The following CXCL13 variants were observed in gnomAD, a reference collection of about 807,000 sequenced individuals.
CXCL13 encodes the protein C-X-C motif chemokine ligand 13.
A neutral mutation model predicts 12.2 loss-of-function variants in CXCL13; 7 were observed. The observed-to-expected ratio is 0.57, with a 90% CI of 0.33 to 1.07. The LOEUF (loss-of-function observed/expected upper bound fraction) is 1.07. Ranked by LOEUF, CXCL13 falls within the 50% of genes least tolerant of loss-of-function variation. The pLI, the probability that CXCL13 is intolerant of heterozygous loss-of-function variation, is 0.04. For missense variants in CXCL13, 113 were observed against 127.4 expected, an observed-to-expected ratio of 0.89 and a Z score of 0.55; for synonymous variants, 47 against 42.4, an observed-to-expected ratio of 1.11 and a Z score of -0.42.
intron 1 of CXCL13, among the ~76,000 whole-genome samples, chr4:77,535,259 A>G (rs1422685022): frequency 3.3e-5 from 5 of 152,156 alleles, no homozygotes; most frequent in African/African-American, 4.8e-5. Flanking sequence ...ATTCATTTAT[A>G]CTGTAAGCCC....
chr4:77,525,924 T>G (rs1301675453), intron 1 of CXCL13, among the ~76,000 whole-genome samples: 1 of 151,606 alleles, frequency 6.6e-6, no homozygotes, highest in African/African-American at 2.4e-5. Context: ...GGGTTTGTTT[T>G]TTTTTTATTA....
At chr4:77,601,495 G>A (rs1726880379), upstream of CXCL13, among the ~76,000 whole-genome samples, 1 of 152,198 alleles carries the variant, frequency 6.6e-6, no homozygotes, top group South Asian at 2.1e-4. Context: ...AGTAACTTGT[G>A]AGGAGAGTAG....
intron 1 of CXCL13, among the ~76,000 whole-genome samples, chr4:77,514,398 T>A (rs549580684): frequency 7.0e-6 from 1 of 143,758 alleles, no homozygotes; most frequent in South Asian, 2.4e-4. Flanking sequence ...TCCACAATGG[T>A]TGAACTAGTT....
chr4:77,609,034 A>G (rs1226834020), intron 2 of CXCL13, among the ~76,000 whole-genome samples: 1 of 152,242 alleles, frequency 6.6e-6, no homozygotes, highest in Non-Finnish European at 1.5e-5. Context: ...AGATACAGAA[A>G]TGAAAGTTTC....
chr4:77,516,657 C>T (rs1453112039), intron 1 of CXCL13, among the ~76,000 whole-genome samples: 4 of 151,996 alleles, frequency 2.6e-5, no homozygotes, highest in East Asian at 1.9e-4. Flanking sequence ...GGTGATATCC[C>T]CTTTATCATT....
At chr4:77,513,961 C>G (rs183768866) in intron 1 of CXCL13, among the ~76,000 whole-genome samples, 5 of 152,254 alleles carry the variant, frequency 3.3e-5, no homozygotes, top group Admixed American at 2.0e-4. Context: ...CCCACTACCC[C>G]CACCCCACAA....
chr4:77,604,024 A>G (rs1726948065), upstream of CXCL13, among the ~76,000 whole-genome samples: 1 of 152,198 alleles, frequency 6.6e-6, no homozygotes. Flanking sequence ...TATAACCCTG[A>G]GTGACACTCA....
intron 1 of CXCL13, among the ~76,000 whole-genome samples, chr4:77,564,113 T>A (rs1488534255): frequency 2.6e-5 from 4 of 152,196 alleles, no homozygotes; most frequent in African/African-American, 9.7e-5. Context: ...CCGGTCCCAT[T>A]TGTATTAATT....
At chr4:77,516,667 T>C (rs1159980808) in intron 1 of CXCL13, among the ~76,000 whole-genome samples, 1 of 152,180 alleles carries the variant, frequency 6.6e-6, no homozygotes, top group Non-Finnish European at 1.5e-5. Context: ...CCTTTATCAT[T>C]TTTTATTGTG....
At chr4:77,586,817 T>G (rs1246193277) in intron 1 of CXCL13, among the ~76,000 whole-genome samples, 1 of 152,168 alleles carries the variant, frequency 6.6e-6, no homozygotes, top group East Asian at 1.9e-4. Flanking sequence ...TAGGGAAATT[T>G]TATAGCAAAG....
chr4:77,524,725 A>G (rs57706636), intron 1 of CXCL13, among the ~76,000 whole-genome samples: 4,158 of 152,190 alleles, frequency 0.027, 201 homozygotes, highest in African/African-American at 0.094. Context: ...TGTGGGCTGC[A>G]TCCACTGTCC....
chr4:77,605,507 A>C (rs1216275574), upstream of CXCL13, among the ~76,000 whole-genome samples: 1 of 152,028 alleles, frequency 6.6e-6, no homozygotes, highest in Non-Finnish European at 1.5e-5. Context: ...TGAGAGAAGC[A>C]CTCAAAACCA....
chr4:77,610,365 C>T (rs1217165315), intron 2 of CXCL13, among the ~76,000 whole-genome samples: 1 of 152,170 alleles, frequency 6.6e-6, no homozygotes, highest in Non-Finnish European at 1.5e-5. Context: ...AAACACTAAC[C>T]TCTGACATGT....
intron 1 of CXCL13, among the ~76,000 whole-genome samples, chr4:77,586,624 A>C (rs953439147): frequency 1.5e-4 from 23 of 152,198 alleles, no homozygotes; most frequent in African/African-American, 5.1e-4. Flanking sequence ...CTGCATATTC[A>C]GGACAGGATC....
intron 1 of CXCL13, among the ~76,000 whole-genome samples, chr4:77,514,398 T>G (rs549580684): frequency 1.4e-5 from 2 of 143,758 alleles, no homozygotes; most frequent in South Asian, 2.4e-4. Flanking sequence ...TCCACAATGG[T>G]TGAACTAGTT....
At chr4:77,587,785 G>A (rs911064153) in intron 1 of CXCL13, among the ~76,000 whole-genome samples, 8 of 152,208 alleles carry the variant, frequency 5.3e-5, no homozygotes, top group Admixed American at 2.6e-4. Context: ...GCTCCTCACC[G>A]AGTAATCCGT....
intron 1 of CXCL13, among the ~76,000 whole-genome samples, chr4:77,530,357 G>C (rs942613167): frequency 4.6e-5 from 7 of 152,174 alleles, no homozygotes; most frequent in African/African-American, 1.7e-4. Context: ...AATGGTACCA[G>C]CTCCTCCTTG....
chr4:77,533,115 A>G (rs1005446087), intron 1 of CXCL13, among the ~76,000 whole-genome samples: 6 of 151,972 alleles, frequency 3.9e-5, no homozygotes, highest in Admixed American at 3.3e-4. Context: ...AGGTGCTCTG[A>G]TTTTTAGTTT....
chr4:77,553,957 G>A (rs1046989759), intron 1 of CXCL13, among the ~76,000 whole-genome samples: 1 of 152,158 alleles, frequency 6.6e-6, no homozygotes, highest in African/African-American at 2.4e-5. Context: ...ATGCCACATG[G>A]AAGAGGAATA....
Sources: allele counts gnomAD v4.1 joint callset (sites outside exome capture counted in the v4.1 genomes callset), GRCh38; gene constraint gnomAD v4.1.1; transcripts MANE v1.5; gene names NCBI Gene and HGNC (gene_info 2026-07-23, HGNC 2026-07-21).